CRACD: variants seen among roughly 807,000 people sequenced by gnomAD.
CRACD encodes capping protein-inhibiting regulator of actin dynamics.
Under a neutral mutation model 106.8 loss-of-function variants are expected in CRACD, and 56 were observed. The observed-to-expected ratio is 0.52, with a 90% CI of 0.42 to 0.66. The LOEUF is 0.66. Among genes scored for constraint, CRACD ranks in the 30% least tolerant of loss-of-function variants. The pLI is 0.00. For missense variants in CRACD, 1,730 were observed against 1,623.2 expected, an observed-to-expected ratio of 1.07 and a Z score of -1.13; for synonymous variants, 754 against 670.8, an observed-to-expected ratio of 1.12 and a Z score of -1.92.
intron 1 of CRACD, among the ~76,000 whole-genome samples, chr4:56,150,930 A>T (rs1735556445): frequency 6.6e-6 from 1 of 152,192 alleles, no homozygotes; most frequent in Non-Finnish European, 1.5e-5. Flanking sequence ...AGTGCCGAAC[A>T]GTTGTCTAAA....
chr4:56,263,608 C>T (rs1259531641), intron 2 of CRACD, among the ~76,000 whole-genome samples: 1 of 152,128 alleles, frequency 6.6e-6, no homozygotes, highest in East Asian at 1.9e-4. Flanking sequence ...TTGTGGCCCA[C>T]CCTACTTAGC....
At chr4:56,296,548 C>T (rs1286706134) in intron 3 of CRACD, among the ~76,000 whole-genome samples, 1 of 152,172 alleles carries the variant, frequency 6.6e-6, no homozygotes, top group Admixed American at 6.5e-5. Flanking sequence ...ACAGCTGCCC[C>T]AGGACCTTGC....
intron 1 of CRACD, among the ~76,000 whole-genome samples, chr4:56,089,509 A>ATTTT (rs761380094): frequency 8.0e-6 from 1 of 124,312 alleles, no homozygotes; most frequent in African/African-American, 3.1e-5. Context: ...GTATTATAGG[A>ATTTT]TTTTTTTTTT....
intron 2 of CRACD, among the ~76,000 whole-genome samples, chr4:56,258,634 C>T (rs1741511839): frequency 6.6e-6 from 1 of 152,150 alleles, no homozygotes; most frequent in African/African-American, 2.4e-5. Context: ...ATGCTGTAGC[C>T]CCATTCTGAG....
intron 2 of CRACD, among the ~76,000 whole-genome samples, chr4:56,192,051 A>C (rs1488435851): frequency 2.6e-5 from 4 of 152,216 alleles, no homozygotes; most frequent in African/African-American, 9.6e-5. Context: ...TGTATATTGA[A>C]GTAAGAACAA....
At chr4:56,221,009 C>T (rs950738441) in intron 2 of CRACD, among the ~76,000 whole-genome samples, 7 of 152,118 alleles carry the variant, frequency 4.6e-5, no homozygotes, top group African/African-American at 1.4e-4. Context: ...CAGAATCCAG[C>T]GTCCTTGGGG....
chr4:56,327,670 G>C lies in CRACD; in HGVS notation c.3568G>C (p.Ala1190Pro). 5 of 1,602,098 alleles carry C rather than the reference G, an allele frequency of 3.1e-6. No homozygotes were observed. Among genetic ancestry groups the C allele is most frequent in the Non-Finnish European group, 4.3e-6 (5 of 1,174,598 alleles). Reference protein sequence around the residue: ...TVEISDSAPPAPLVKEVTKRF... With the variant: ...TVEISDSAPPPPLVKEVTKRF... ...GGAGATCTCCGACTCGGCTCCCCCAGCGCCGCTGGTAAAAGAAGTCACCAA... is the reference window on the plus strand; with the variant it reads ...GGAGATCTCCGACTCGGCTCCCCCACCGCCGCTGGTAAAAGAAGTCACCAA... Residue 1190 changes from alanine to proline, a missense_variant, in exon 11 of 11, where the codon GCG becomes CCG. Ala to Pro is a conservative substitution (Grantham distance 27). Coordinates refer to ENST00000682029, the MANE Select transcript of CRACD (RefSeq NM_001393381.1).
chr4:56,083,059 TCACTCTCTTC>T (rs1277721501), intron 1 of CRACD, among the ~76,000 whole-genome samples: 1 of 152,176 alleles, frequency 6.6e-6, no homozygotes, highest in African/African-American at 2.4e-5. Flanking sequence ...CACAGACTCT[TCACTCTCTTC>T]CATTCTAACC....
intron 1 of CRACD, among the ~76,000 whole-genome samples, chr4:56,111,388 C>G (rs367741083): frequency 2.0e-5 from 3 of 152,058 alleles, no homozygotes; most frequent in South Asian, 4.2e-4. Context: ...GGGCACAGCT[C>G]TTTGTGTAAT....
intron 1 of CRACD, among the ~76,000 whole-genome samples, chr4:56,103,789 T>G (rs1733856796): frequency 6.6e-6 from 1 of 152,260 alleles, no homozygotes; most frequent in Non-Finnish European, 1.5e-5. Context: ...TGATGTTATT[T>G]ATTTTTTTGA....
chr4:56,285,019 T>C (rs1319771137), intron 3 of CRACD, among the ~76,000 whole-genome samples: 1 of 152,094 alleles, frequency 6.6e-6, no homozygotes, highest in Non-Finnish European at 1.5e-5. Context: ...TTCCACAAGC[T>C]TAACAGGAAC....
At chr4:56,222,423 T>C (rs1428666775) in intron 2 of CRACD, among the ~76,000 whole-genome samples, 2 of 152,148 alleles carry the variant, frequency 1.3e-5, no homozygotes, top group African/African-American at 4.8e-5. Context: ...GATTAAAAAC[T>C]ACGTATTGGG....
At chr4:56,259,679 AC>A (rs143664735) in intron 2 of CRACD, among the ~76,000 whole-genome samples, 5,728 of 152,074 alleles carry the variant, frequency 0.038, 188 homozygotes, top group African/African-American at 0.089. Context: ...ATCCTTAGAG[AC>A]TTAGTTCCAA....
chr4:56,107,806 G>A (rs959469009), intron 1 of CRACD, among the ~76,000 whole-genome samples: 2 of 152,194 alleles, frequency 1.3e-5, no homozygotes, highest in Non-Finnish European at 2.9e-5. Context: ...AGGTTGTGGA[G>A]CTGACACATT....
chr4:56,124,357 G>C (rs1414472220), intron 1 of CRACD, among the ~76,000 whole-genome samples: 1 of 152,182 alleles, frequency 6.6e-6, no homozygotes, highest in Admixed American at 6.5e-5. Flanking sequence ...GACCAATCTT[G>C]TTTCGTGTAT....
chr4:56,083,522 C>T (rs577885439), intron 1 of CRACD, among the ~76,000 whole-genome samples: 2 of 152,228 alleles, frequency 1.3e-5, no homozygotes, highest in East Asian at 3.9e-4. Context: ...CCTACCCTAC[C>T]CTACCCTAAA....
intron 10 of CRACD, among the ~76,000 whole-genome samples, chr4:56,325,842 G>A (rs1272776373): frequency 6.6e-6 from 1 of 152,132 alleles, no homozygotes; most frequent in Non-Finnish European, 1.5e-5. Flanking sequence ...GATATTAAGA[G>A]GTCTTACTAT....
intron 1 of CRACD, among the ~76,000 whole-genome samples, chr4:56,062,372 T>A (rs1732306658): frequency 6.6e-6 from 1 of 152,206 alleles, no homozygotes; most frequent in Non-Finnish European, 1.5e-5. Context: ...GAGTTTGGTT[T>A]ATAGATGATT....
At chr4:56,182,942 G>A (rs1344126522) in intron 2 of CRACD, among the ~76,000 whole-genome samples, 1 of 150,182 alleles carries the variant, frequency 6.7e-6, no homozygotes, top group Non-Finnish European at 1.5e-5. Flanking sequence ...AATAGAATTA[G>A]GGGATTTTGG....
Sources: allele counts gnomAD v4.1 joint callset (sites outside exome capture counted in the v4.1 genomes callset), GRCh38; gene constraint gnomAD v4.1.1; transcripts MANE v1.5; gene names NCBI Gene and HGNC (gene_info 2026-07-23, HGNC 2026-07-21).